Variants in FALEC observed in about 807,000 individuals in gnomAD.
The protein encoded by FALEC is focally amplified lncRNA on chromosome 1.
At chr1:150,527,404 G>A in the FALEC span, among the ~76,000 whole-genome samples, 7 of 151,448 alleles carry the variant, frequency 4.6e-5, no homozygotes, top group African/African-American at 1.7e-4. Context: ...GATTACAGGT[G>A]CCCACCACCA....
chr1:150,531,349 C>G, the FALEC span, among the ~76,000 whole-genome samples: 1 of 152,068 alleles, frequency 6.6e-6, no homozygotes, highest in Non-Finnish European at 1.5e-5. Flanking sequence ...ATAAAATTAG[C>G]CTGTAATCCC....
the FALEC span, among the ~76,000 whole-genome samples, chr1:150,526,870 G>A: frequency 6.6e-6 from 1 of 151,506 alleles, no homozygotes; most frequent in Non-Finnish European, 1.5e-5. Context: ...TCCTGACCTC[G>A]TGATCCACCA....
chr1:150,534,000 A>T, the FALEC span, among the ~76,000 whole-genome samples: 1 of 152,232 alleles, frequency 6.6e-6, no homozygotes. Flanking sequence ...ACTGTGGACA[A>T]GGATGGCGTG....
chr1:150,522,980 TATA>T (rs1195913155), downstream of FALEC, among the ~76,000 whole-genome samples: 219 of 48,568 alleles, frequency 4.5e-3, 27 homozygotes, highest in Non-Finnish European at 5.9e-3. Context: ...TATATATATA[TATA>T]TTTTTTTTTT....
chr1:150,534,747 C>T, the FALEC span, among the ~76,000 whole-genome samples: 17 of 150,656 alleles, frequency 1.1e-4, no homozygotes, highest in Non-Finnish European at 2.1e-4. Context: ...GAGGCTGAGG[C>T]AGGAGAATCG....
At chr1:150,524,425 T>G in the FALEC span, among the ~76,000 whole-genome samples, 2 of 152,044 alleles carry the variant, frequency 1.3e-5, no homozygotes, top group Non-Finnish European at 2.9e-5. Flanking sequence ...TACAAAGATG[T>G]CAAAAAAAGT....
At chr1:150,532,809 C>T in the FALEC span, among the ~76,000 whole-genome samples, 1 of 151,500 alleles carries the variant, frequency 6.6e-6, no homozygotes, top group Non-Finnish European at 1.5e-5. Context: ...GTGGCAAGTG[C>T]CCTGAGCAAA....
At chr1:150,526,794 C>T in the FALEC span, among the ~76,000 whole-genome samples, 9 of 151,212 alleles carry the variant, frequency 6.0e-5, no homozygotes, top group Admixed American at 2.6e-4. Context: ...CCACCACGCC[C>T]GGCTAATTTT....
At chr1:150,522,864 T>TAC (rs1560270613), downstream of FALEC, among the ~76,000 whole-genome samples, 107 of 103,264 alleles carry the variant, frequency 1.0e-3, 3 homozygotes, top group Non-Finnish European at 1.2e-3. Flanking sequence ...TATATATATA[T>TAC]ACGTATATAT....
At chr1:150,530,670 A>G in the FALEC span, among the ~76,000 whole-genome samples, 1 of 152,302 alleles carries the variant, frequency 6.6e-6, no homozygotes, top group Non-Finnish European at 1.5e-5. Context: ...CACTGTCTCC[A>G]GTGTCCAGTG....
chr1:150,528,087 C>T, the FALEC span, among the ~76,000 whole-genome samples: 1 of 152,026 alleles, frequency 6.6e-6, no homozygotes, highest in Non-Finnish European at 1.5e-5. Flanking sequence ...CCGGGGTGGG[C>T]ATATGACCCA....
downstream of FALEC, among the ~76,000 whole-genome samples, chr1:150,519,371 G>A (rs1159037652): frequency 6.6e-6 from 1 of 152,154 alleles, no homozygotes; most frequent in East Asian, 1.9e-4. Flanking sequence ...ATTCACCCAT[G>A]TAAAATGTAC....
downstream of FALEC, among the ~76,000 whole-genome samples, chr1:150,520,181 A>G (rs114578030): frequency 0.014 from 2,106 of 152,298 alleles, 52 homozygotes; most frequent in African/African-American, 0.048. Context: ...ATGTATGACA[A>G]AATTTGCCAT....
the FALEC span, among the ~76,000 whole-genome samples, chr1:150,523,363 A>G: frequency 2.0e-5 from 3 of 151,350 alleles, no homozygotes; most frequent in African/African-American, 4.9e-5. Context: ...TTTAAATTAC[A>G]TATGTGGCGA....
chr1:150,520,909 C>T (rs1295518091), downstream of FALEC, among the ~76,000 whole-genome samples: 1 of 144,464 alleles, frequency 6.9e-6, no homozygotes, highest in Non-Finnish European at 1.5e-5. Context: ...TCCTGGGATT[C>T]TCCTGCTTCA....
downstream of FALEC, among the ~76,000 whole-genome samples, chr1:150,522,878 T>TATATATATACATATATATACAC (rs1670665035): frequency 3.2e-5 from 3 of 92,956 alleles, no homozygotes; most frequent in Non-Finnish European, 6.5e-5. Context: ...TATATATACA[T>TATATATATACATATATATACAC]ATATATATAC....
intron 1 of FALEC, among the ~76,000 whole-genome samples, chr1:150,516,222 T>C (rs1214501311): frequency 6.6e-6 from 1 of 150,960 alleles, no homozygotes; most frequent in Admixed American, 6.6e-5. Flanking sequence ...CACTCCAGCC[T>C]GGGCGAGAGA....
the FALEC span, among the ~76,000 whole-genome samples, chr1:150,531,269 C>T: frequency 2.0e-5 from 3 of 152,134 alleles, no homozygotes; most frequent in African/African-American, 7.2e-5. Context: ...CCGAGGTGGG[C>T]GGATCATCCG....
chr1:150,536,512 C>T, the FALEC span, among the ~76,000 whole-genome samples: 1 of 152,158 alleles, frequency 6.6e-6, no homozygotes, highest in Non-Finnish European at 1.5e-5. Flanking sequence ...GTTCCTAGGG[C>T]CAGGTGCAGT....
Sources: gnomAD v4.1 joint callset for allele counts (sites outside exome capture counted in the v4.1 genomes callset) on GRCh38, gnomAD v4.1.1 for gene constraint, MANE v1.5 for transcripts, NCBI Gene and HGNC (gene_info 2026-07-23, HGNC 2026-07-21) for gene names.